Variants in PTPRK observed in about 807,000 individuals in gnomAD.
The protein encoded by PTPRK is protein tyrosine phosphatase receptor type K.
A neutral mutation model predicts 178.0 loss-of-function variants in PTPRK; 75 were observed. The observed-to-expected ratio is 0.42, with a 90% CI of 0.35 to 0.51. The LOEUF (loss-of-function observed/expected upper bound fraction) is 0.51, where lower values mean the gene tolerates loss of function less well. Among genes scored for constraint, PTPRK ranks in the 20% least tolerant of loss-of-function variants. The pLI is 0.02. For missense variants in PTPRK, 1,441 were observed against 1,797.8 expected, an observed-to-expected ratio of 0.80 and a Z score of 3.59; for synonymous variants, 637 against 620.6, an observed-to-expected ratio of 1.03 and a Z score of -0.39.
chr6:128,494,997 G>A (rs1410842621), intron 1 of PTPRK, among the ~76,000 whole-genome samples: 1 of 152,144 alleles, frequency 6.6e-6, no homozygotes, highest in Admixed American at 6.5e-5. Flanking sequence ...TCCGGTATGT[G>A]TTCATTTTCT....
chr6:128,009,177 C>T lies in PTPRK; in HGVS notation c.2286G>A (p.Leu762=). The stretch of plus-strand genomic sequence containing the variant: ...CAACTAGGAGAAGGAGGATGAACAC[C>T]AAAATTCCAGCACTAATTCCTGCTA... The part of the protein sequence containing the change: ...VKIAGISAGI[L]VFILLLLVVI... Residue 762 remains leucine (L), a synonymous_variant, in exon 14 of 30, where the codon TTG becomes TTA. Transcript: ENST00000368226. 6.2e-7 allele frequency: 1 copy of T among 1,608,594 alleles called. No homozygotes were observed. Among genetic ancestry groups the T allele is most frequent in the South Asian group, 1.1e-5 (1 of 90,892 alleles).
chr6:128,312,868 G>A (rs1827443318), intron 3 of PTPRK, among the ~76,000 whole-genome samples: 1 of 151,882 alleles, frequency 6.6e-6, no homozygotes, highest in Admixed American at 6.6e-5. Flanking sequence ...AAAGTTCTGA[G>A]CATTCCATGA....
At chr6:128,354,231 GTTTTTTTTTTT>G (rs756148554) in intron 2 of PTPRK, among the ~76,000 whole-genome samples, 4 of 49,358 alleles carry the variant, frequency 8.1e-5, no homozygotes, top group African/African-American at 3.8e-4. Context: ...TTTTGTTTAT[GTTTTTTTTTTT>G]TTTTTTTTTT....
rs140418804 is a variant in PTPRK, at chr6:128,297,522, T to A, written c.495+24517A>T. ...TAAAAGATCAGAAATTATAACAAACTGTCTCTCAGACCACAGTGCAATCAA... is the reference window on the plus strand; with the variant it reads ...TAAAAGATCAGAAATTATAACAAACAGTCTCTCAGACCACAGTGCAATCAA... On this transcript the variant is annotated intron_variant, in intron 3 of 29. Coordinates refer to ENST00000368226, the MANE Select transcript of PTPRK (RefSeq NM_002844.4). Among the ~76,000 whole-genome samples the A allele has an allele frequency of 9.7e-3, 1,474 of 152,298 alleles. 20 individuals carry two copies. The highest frequency in any genetic ancestry group is 0.033 in the African/African-American group (1,357 of 41,556).
At chr6:128,514,292 G>A (rs1857602677) in intron 1 of PTPRK, among the ~76,000 whole-genome samples, 1 of 152,014 alleles carries the variant, frequency 6.6e-6, no homozygotes, top group South Asian at 2.1e-4. Context: ...TAAGTATGGA[G>A]TTTTGATACC....
intron 13 of PTPRK, among the ~76,000 whole-genome samples, chr6:128,047,279 G>C (rs1778197586): frequency 1.3e-5 from 2 of 152,110 alleles, no homozygotes; most frequent in Admixed American, 1.3e-4. Flanking sequence ...AGTGAGGAAG[G>C]ACTTATATCA....
Position 128,421,791 on chromosome 6 carries a change from G to A in PTPRK, c.101-24103C>T, listed in dbSNP as rs569299839. Among the ~76,000 whole-genome samples, 28 of 152,300 alleles carry A rather than the reference G, an allele frequency of 1.8e-4. No individual in the cohort carries two copies. The South Asian group carries it at 2.1e-3, about 11-fold the overall frequency. On this transcript the variant is annotated intron_variant, in intron 1 of 29. Coordinates refer to ENST00000368226, the MANE Select transcript of PTPRK (RefSeq NM_002844.4). ...ATGAAATAATATTTCTTCAAGCTCC[G>A]CAATCAATCTAAAAGAAGCTAAAAT... is the stretch of plus-strand genomic sequence containing the variant.
intron 7 of PTPRK, among the ~76,000 whole-genome samples, chr6:128,154,752 T>C (rs987054540): frequency 2.0e-5 from 3 of 151,806 alleles, no homozygotes; most frequent in Non-Finnish European, 2.9e-5. Context: ...TAAATTCTCA[T>C]AATTTGTTAC....
At chr6:128,046,556 T>C (rs893736564) in intron 13 of PTPRK, among the ~76,000 whole-genome samples, 4 of 152,206 alleles carry the variant, frequency 2.6e-5, no homozygotes, top group South Asian at 2.1e-4. Context: ...TAAAAAAGTA[T>C]CTGAAAATTT....
intron 7 of PTPRK, among the ~76,000 whole-genome samples, chr6:128,174,369 G>A (rs556324724): frequency 1.1e-4 from 16 of 151,806 alleles, no homozygotes; most frequent in Non-Finnish European, 1.8e-4. Context: ...GTGCTCTAAC[G>A]TTGCCACTAG....
At chr6:128,236,439 C>T (rs994442979) in intron 5 of PTPRK, among the ~76,000 whole-genome samples, 3 of 150,552 alleles carry the variant, frequency 2.0e-5, no homozygotes, top group African/African-American at 4.9e-5. Context: ...ACCTCCGCCT[C>T]CCGGGTTCAA....
intron 7 of PTPRK, among the ~76,000 whole-genome samples, chr6:128,181,596 AG>A (rs1801916212): frequency 6.6e-6 from 1 of 152,076 alleles, no homozygotes; most frequent in Admixed American, 6.6e-5. Context: ...GGAGTCTCAA[AG>A]GTATTTCCCA....
At chr6:128,502,447 A>G (rs1235974333) in intron 1 of PTPRK, among the ~76,000 whole-genome samples, 2 of 152,210 alleles carry the variant, frequency 1.3e-5, no homozygotes, top group African/African-American at 4.8e-5. Context: ...GGGAGTTTCA[A>G]AATGGACCAG....
intron 7 of PTPRK, among the ~76,000 whole-genome samples, chr6:128,142,182 A>C (rs909681209): frequency 2.0e-5 from 3 of 151,996 alleles, no homozygotes; most frequent in Non-Finnish European, 2.9e-5. Context: ...ACAATCTATG[A>C]CCTTCCTTTC....
intron 3 of PTPRK, among the ~76,000 whole-genome samples, chr6:128,295,284 A>C (rs929068743): frequency 1.3e-5 from 2 of 152,078 alleles, no homozygotes; most frequent in Admixed American, 1.3e-4. Flanking sequence ...GTGGACACAA[A>C]CAAGCCACAA....
chr6:128,105,335 G>T (rs558022713), intron 7 of PTPRK, among the ~76,000 whole-genome samples: 2 of 151,854 alleles, frequency 1.3e-5, no homozygotes, highest in Non-Finnish European at 2.9e-5. Context: ...GGGTTTCACC[G>T]TGTTAGCCAG....
chr6:128,484,021 C>T (rs1442862496), intron 1 of PTPRK, among the ~76,000 whole-genome samples: 1 of 151,906 alleles, frequency 6.6e-6, no homozygotes, highest in Non-Finnish European at 1.5e-5. Flanking sequence ...GTTATGCATC[C>T]CTGGTTTCCC....
chr6:127,970,031 A>G lies in PTPRK; in HGVS notation c.*196T>C. On this transcript the variant is annotated 3_prime_UTR_variant, in exon 30 of 30. Transcript: ENST00000368226. ...TGGCATGAAATGTTGATGCTTTAAT[A>G]TAGTAATAAAAACTAATTCAGTCCT... 2.1e-6 allele frequency: 1 copy of G among 482,816 alleles called. No individual in the cohort carries two copies. The highest frequency in any genetic ancestry group is 3.6e-6 in the Non-Finnish European group (1 of 274,354). 29.9% of individuals were successfully genotyped at this position (482,816 alleles called of 1,614,324 possible).
At chr6:128,250,210 G>A (rs562519641) in intron 3 of PTPRK, among the ~76,000 whole-genome samples, 4 of 152,232 alleles carry the variant, frequency 2.6e-5, no homozygotes, top group South Asian at 4.1e-4. Context: ...TATCAGCAGC[G>A]TGAAAATGAA....
Sources: gnomAD v4.1 joint callset for allele counts (sites outside exome capture counted in the v4.1 genomes callset) on GRCh38, gnomAD v4.1.1 for gene constraint, MANE v1.5 for transcripts, NCBI Gene and HGNC (gene_info 2026-07-23, HGNC 2026-07-21) for gene names.